Variants in TMCO5A observed in about 807,000 individuals in gnomAD.
The protein encoded by TMCO5A is transmembrane and coiled-coil domains 5A.
TMCO5A carries 34 observed loss-of-function variants against 42.3 expected under a neutral mutation model. The ratio of observed to expected loss-of-function variants is 0.80; its 90% CI spans 0.61 to 1.07. The LOEUF (loss-of-function observed/expected upper bound fraction) is 1.07, where lower values mean the gene tolerates loss of function less well. Ranked by LOEUF, TMCO5A falls within the 50% of genes least tolerant of loss-of-function variation. The pLI is 0.00. For synonymous variants in TMCO5A, 131 were observed against 115.6 expected, an observed-to-expected ratio of 1.13 and a Z score of -0.86; for missense variants, 357 against 327.9, an observed-to-expected ratio of 1.09 and a Z score of -0.69.
intron 11 of TMCO5A, among the ~76,000 whole-genome samples, chr15:37,948,507 T>C (rs1890042702): frequency 1.3e-5 from 2 of 152,114 alleles, no homozygotes. Context: ...TCAATATTCC[T>C]GAATACAATA....
the TMCO5A span, chr15:38,040,273 A>G: frequency 1.3e-5 from 2 of 152,244 alleles, no homozygotes; most frequent in African/African-American, 2.4e-5. Flanking sequence ...CAATGGGGAT[A>G]CTTAAGGTCC....
chr15:38,026,645 A>T, the TMCO5A span, among the ~76,000 whole-genome samples: 1 of 152,246 alleles, frequency 6.6e-6, no homozygotes, highest in Non-Finnish European at 1.5e-5. Context: ...CATCCCCAAG[A>T]CAATGGGGAA....
At chr15:37,976,964 G>A in the TMCO5A span, among the ~76,000 whole-genome samples, 5 of 151,736 alleles carry the variant, frequency 3.3e-5, no homozygotes, top group South Asian at 1.0e-3. Context: ...TACAGACAGG[G>A]TTTCACCATG....
the TMCO5A span, among the ~76,000 whole-genome samples, chr15:38,014,602 G>C: frequency 1.3e-5 from 2 of 152,076 alleles, no homozygotes; most frequent in African/African-American, 4.8e-5. Flanking sequence ...TTGATAGAGA[G>C]AGGTGAAAAT....
the TMCO5A span, among the ~76,000 whole-genome samples, chr15:38,032,060 A>T: frequency 2.0e-5 from 3 of 151,504 alleles, no homozygotes; most frequent in African/African-American, 4.9e-5. Context: ...GGTTCAAGCG[A>T]TTCTCCTGCC....
At chr15:37,991,230 T>C in the TMCO5A span, among the ~76,000 whole-genome samples, 1 of 152,162 alleles carries the variant, frequency 6.6e-6, no homozygotes, top group Non-Finnish European at 1.5e-5. Flanking sequence ...GTCTTGAATA[T>C]TCTCAAGTGC....
chr15:38,012,161 A>C, the TMCO5A span, among the ~76,000 whole-genome samples: 1 of 151,958 alleles, frequency 6.6e-6, no homozygotes, highest in African/African-American at 2.4e-5. Context: ...GGCTTCTTCT[A>C]TGTGGTGAGA....
chr15:38,021,958 C>T, the TMCO5A span, among the ~76,000 whole-genome samples: 57 of 151,880 alleles, frequency 3.8e-4, 1 homozygote, highest in East Asian at 9.5e-3. Context: ...TACAGGCAAG[C>T]GCCACCAAGT....
At chr15:37,936,572 C>T (rs1041366091) in intron 3 of TMCO5A, 109 bp downstream of exon 3, 15 of 1,370,836 alleles carry the variant, frequency 1.1e-5, no homozygotes, top group Middle Eastern at 1.9e-4. Context: ...CCTTGTGTGG[C>T]AAAAAGTTAA....
At chr15:37,989,270 G>A in the TMCO5A span, among the ~76,000 whole-genome samples, 1 of 151,598 alleles carries the variant, frequency 6.6e-6, no homozygotes, top group Non-Finnish European at 1.5e-5. Context: ...TCAACTTTTG[G>A]TTATGCTAAT....
chr15:37,941,314 G>A (rs1889731283), intron 7 of TMCO5A, 109 bp downstream of exon 7: 1 of 1,108,098 alleles, frequency 9.0e-7, no homozygotes, highest in East Asian at 2.5e-5. Flanking sequence ...CCAGATCCAA[G>A]ACCATGATGG....
chr15:38,031,959 C>T, the TMCO5A span, among the ~76,000 whole-genome samples: 2 of 142,188 alleles, frequency 1.4e-5, no homozygotes, highest in African/African-American at 5.1e-5. Flanking sequence ...AGGACAATTG[C>T]TTTTTTTTTT....
At chr15:38,016,123 G>T in the TMCO5A span, among the ~76,000 whole-genome samples, 1 of 152,268 alleles carries the variant, frequency 6.6e-6, no homozygotes, top group African/African-American at 2.4e-5. Flanking sequence ...CCTATGGTGG[G>T]GGGTGTTGAT....
At chr15:38,018,224 T>C in the TMCO5A span, among the ~76,000 whole-genome samples, 1 of 152,102 alleles carries the variant, frequency 6.6e-6, no homozygotes, top group Non-Finnish European at 1.5e-5. Flanking sequence ...TAAACAGTAA[T>C]AGACAACAAA....
chr15:37,972,165 A>G (rs1890685901), downstream of TMCO5A, among the ~76,000 whole-genome samples: 1 of 152,220 alleles, frequency 6.6e-6, no homozygotes, highest in African/African-American at 2.4e-5. Flanking sequence ...CCTCACAATT[A>G]CAGCAGAAGG....
the TMCO5A span, among the ~76,000 whole-genome samples, chr15:37,985,414 T>C: frequency 6.6e-6 from 1 of 152,178 alleles, no homozygotes; most frequent in Non-Finnish European, 1.5e-5. Flanking sequence ...AATTGTATAA[T>C]TTTTTGCTGT....
At chr15:38,016,316 T>C in the TMCO5A span, among the ~76,000 whole-genome samples, 2 of 152,184 alleles carry the variant, frequency 1.3e-5, no homozygotes, top group African/African-American at 4.8e-5. Context: ...AAAGTGAAGA[T>C]TAAGACCAGC....
chr15:38,025,784 C>A, the TMCO5A span, among the ~76,000 whole-genome samples: 55 of 152,306 alleles, frequency 3.6e-4, no homozygotes, highest in African/African-American at 1.2e-3. Context: ...ATAATTTCCA[C>A]ATGTTGTGGG....
At chr15:37,985,451 T>A in the TMCO5A span, among the ~76,000 whole-genome samples, 1 of 152,214 alleles carries the variant, frequency 6.6e-6, no homozygotes, top group African/African-American at 2.4e-5. Context: ...CACATAAAAT[T>A]CCTAAGTTTC....
Sources: gnomAD v4.1 joint callset for allele counts (sites outside exome capture counted in the v4.1 genomes callset) on GRCh38, gnomAD v4.1.1 for gene constraint, MANE v1.5 for transcripts, NCBI Gene and HGNC (gene_info 2026-07-23, HGNC 2026-07-21) for gene names.